CDH13: variants seen among roughly 807,000 people sequenced by gnomAD.
The protein encoded by CDH13 is cadherin-13.
Under a neutral mutation model 63.8 loss-of-function variants are expected in CDH13, and 24 were observed. That is an observed-to-expected ratio of 0.38 (90% CI 0.27 to 0.53). CDH13 has a LOEUF of 0.53. Ranked by LOEUF, CDH13 falls within the 20% of genes least tolerant of loss-of-function variation. The pLI is 0.85. For synonymous variants in CDH13, 503 were observed against 355.3 expected (o/e 1.42, Z -4.67); for missense variants, 1,049 against 903.1 (o/e 1.16, Z -2.07).
intron 1 of CDH13, among the ~76,000 whole-genome samples, chr16:82,836,398 C>G (rs1035044597): frequency 6.6e-6 from 1 of 152,166 alleles, no homozygotes; most frequent in Admixed American, 6.5e-5. Flanking sequence ...GATCCACCCG[C>G]CTTGGCCTCC....
chr16:83,771,950 T>C (rs1914786879), intron 11 of CDH13, among the ~76,000 whole-genome samples: 1 of 152,206 alleles, frequency 6.6e-6, no homozygotes, highest in South Asian at 2.1e-4. Context: ...CATGTCTTTC[T>C]AATAAGAAGT....
At chr16:83,024,982 G>T (rs1915666894) in intron 2 of CDH13, among the ~76,000 whole-genome samples, 1 of 152,146 alleles carries the variant, frequency 6.6e-6, no homozygotes, top group Admixed American at 6.5e-5. Flanking sequence ...CCATTTCCAT[G>T]GCAACAGCCT....
At chr16:83,068,711 G>A (rs2032213962) in intron 3 of CDH13, among the ~76,000 whole-genome samples, 1 of 152,140 alleles carries the variant, frequency 6.6e-6, no homozygotes, top group South Asian at 2.1e-4. Context: ...AATTCAGCAG[G>A]CAGTTGGCAT....
At chr16:83,181,039 C>T in intron 4 of CDH13, 1 of 1,496,942 alleles carries the variant, frequency 6.7e-7, no homozygotes, top group Non-Finnish European at 8.9e-7. Context: ...CTCGGTATTT[C>T]AAATCCATTT....
intron 1 of CDH13, among the ~76,000 whole-genome samples, chr16:82,634,901 T>C (rs1015569185): frequency 2.6e-5 from 4 of 152,214 alleles, no homozygotes; most frequent in Non-Finnish European, 1.5e-5. Context: ...ATGGAGGATC[T>C]ACTATGTTCC....
At chr16:83,216,408 AT>A (rs2039516697) in intron 4 of CDH13, among the ~76,000 whole-genome samples, 1 of 76,020 alleles carries the variant, frequency 1.3e-5, no homozygotes, top group Non-Finnish European at 2.6e-5. Context: ...ATATATATAT[AT>A]ATATATATAT....
chr16:83,422,590 A>C (rs1403125733), intron 6 of CDH13, among the ~76,000 whole-genome samples: 2 of 152,204 alleles, frequency 1.3e-5, no homozygotes, highest in African/African-American at 2.4e-5. Context: ...CAAAAATTGC[A>C]GTTCTTGAGG....
At chr16:82,794,858 A>G (rs973030823) in intron 1 of CDH13, among the ~76,000 whole-genome samples, 1 of 152,172 alleles carries the variant, frequency 6.6e-6, no homozygotes, top group East Asian at 1.9e-4. Context: ...CTCACAGAAC[A>G]TATAAACCCC....
chr16:83,021,896 G>A (rs1915381666), intron 2 of CDH13, among the ~76,000 whole-genome samples: 1 of 152,206 alleles, frequency 6.6e-6, no homozygotes, highest in Non-Finnish European at 1.5e-5. Flanking sequence ...AATCAAGTCT[G>A]TAGGGTGTGC....
At chr16:82,860,923 C>CCT (rs2039919007) in intron 2 of CDH13, among the ~76,000 whole-genome samples, 1 of 152,072 alleles carries the variant, frequency 6.6e-6, no homozygotes, top group Non-Finnish European at 1.5e-5. Flanking sequence ...CTCACTCTCC[C>CCT]CTCTCTCTCA....
At chr16:83,751,039 G>A (rs1291694504) in intron 11 of CDH13, among the ~76,000 whole-genome samples, 1 of 151,946 alleles carries the variant, frequency 6.6e-6, no homozygotes, top group East Asian at 1.9e-4. Flanking sequence ...TTGGGAAGTT[G>A]GTCAGCATTA....
intron 1 of CDH13, among the ~76,000 whole-genome samples, chr16:82,720,546 G>C (rs1276000011): frequency 6.6e-6 from 1 of 152,088 alleles, no homozygotes; most frequent in African/African-American, 2.4e-5. Flanking sequence ...GGGCAATTTA[G>C]ATGTGACAGT....
intron 1 of CDH13, among the ~76,000 whole-genome samples, chr16:82,820,183 C>T (rs1017281504): frequency 1.3e-5 from 2 of 152,122 alleles, no homozygotes; most frequent in African/African-American, 2.4e-5. Flanking sequence ...GTTTTTACTG[C>T]TCCTCTTTAA....
intron 1 of CDH13, among the ~76,000 whole-genome samples, chr16:82,778,357 G>A (rs2035592587): frequency 6.6e-6 from 1 of 152,068 alleles, no homozygotes; most frequent in African/African-American, 2.4e-5. Context: ...GCATCCACCT[G>A]CTTTGACTCA....
At chr16:83,786,307 G>A (rs184075644) in intron 13 of CDH13, among the ~76,000 whole-genome samples, 4 of 152,158 alleles carry the variant, frequency 2.6e-5, no homozygotes, top group African/African-American at 9.7e-5. Flanking sequence ...TAAGAGCAAC[G>A]TGTTAATTGC....
chr16:83,440,828 G>A (rs2072460367), intron 6 of CDH13, among the ~76,000 whole-genome samples: 1 of 150,146 alleles, frequency 6.7e-6, no homozygotes, highest in Admixed American at 6.6e-5. Context: ...TAATCCTGGT[G>A]CCCTTCTAGA....
At chr16:83,336,345 T>A (rs2090597081) in intron 5 of CDH13, among the ~76,000 whole-genome samples, 1 of 151,608 alleles carries the variant, frequency 6.6e-6, no homozygotes, top group African/African-American at 2.4e-5. Flanking sequence ...GCAATGAGAT[T>A]CCTTCTTGTT....
At chr16:83,069,738 C>T (rs1307390777) in intron 3 of CDH13, among the ~76,000 whole-genome samples, 1 of 152,152 alleles carries the variant, frequency 6.6e-6, no homozygotes, top group Non-Finnish European at 1.5e-5. Flanking sequence ...CACTCTGACA[C>T]CCATTCCAGT....
At chr16:82,631,237 G>A (rs1444824948) in intron 1 of CDH13, among the ~76,000 whole-genome samples, 1 of 152,216 alleles carries the variant, frequency 6.6e-6, no homozygotes. Flanking sequence ...TGTAGACGGT[G>A]CAATACGCAA....
Sources: allele counts gnomAD v4.1 joint callset (sites outside exome capture counted in the v4.1 genomes callset), GRCh38; gene constraint gnomAD v4.1.1; transcripts MANE v1.5; gene names NCBI Gene and HGNC (gene_info 2026-07-23, HGNC 2026-07-21).